Variants in KLF12 observed in about 807,000 individuals in gnomAD.
KLF12 encodes Krueppel-like factor 12.
KLF12 carries 9 observed loss-of-function variants against 37.8 expected under a neutral mutation model. The observed-to-expected ratio is 0.24, with a 90% CI of 0.14 to 0.42. The LOEUF (loss-of-function observed/expected upper bound fraction) is 0.42. KLF12 is among the 10% of genes least tolerant of loss of function. The pLI is 1.00. For synonymous variants in KLF12, 208 were observed against 202.1 expected, an observed-to-expected ratio of 1.03 and a Z score of -0.25; for missense variants, 411 against 516.0, an observed-to-expected ratio of 0.80 and a Z score of 1.97.
At chr13:74,024,939 T>C (rs955469665) in intron 1 of KLF12, among the ~76,000 whole-genome samples, 10 of 152,206 alleles carry the variant, frequency 6.6e-5, no homozygotes, top group Non-Finnish European at 1.2e-4. Context: ...TTCCTAACTA[T>C]GTTAAGTTCT....
intron 1 of KLF12, among the ~76,000 whole-genome samples, chr13:74,043,479 CTG>C (rs149457074): frequency 6.6e-6 from 1 of 151,728 alleles, no homozygotes; most frequent in Non-Finnish European, 1.5e-5. Flanking sequence ...GTGCATGTTT[CTG>C]TGTGTGTGTG....
chr13:73,974,777 A>G (rs543259434), intron 2 of KLF12, among the ~76,000 whole-genome samples: 15 of 152,350 alleles, frequency 9.8e-5, no homozygotes, highest in African/African-American at 3.6e-4. Context: ...AAATTATTTG[A>G]CAATGAAACC....
At chr13:73,938,235 C>A (rs1566471492) in intron 3 of KLF12, among the ~76,000 whole-genome samples, 1 of 152,096 alleles carries the variant, frequency 6.6e-6, no homozygotes, top group Non-Finnish European at 1.5e-5. Context: ...CCTTTACGCA[C>A]AGATGTACAC....
At position 73,846,182 on chromosome 13, in the gene KLF12, T is replaced by C. The variant is rs141944918; in HGVS notation, c.315A>G (p.Ala105=). 36 of 1,614,132 alleles carry C rather than the reference T, an allele frequency of 2.2e-5. No individual in the cohort carries two copies. The African/African-American group carries it at 4.0e-4, about 18-fold the overall frequency. ...AAGTTGAAGAAGGTGAGGAGGCAGA[T>C]GCTGTCATGGAAACTGGGGAGGATG... The change falls in exon 4 of 8, where the codon GCA becomes GCG. Residue 105 remains alanine, a synonymous_variant. Transcript: ENST00000377669.
At chr13:74,114,973 T>C (rs938831910) in intron 1 of KLF12, among the ~76,000 whole-genome samples, 9 of 152,156 alleles carry the variant, frequency 5.9e-5, no homozygotes, top group African/African-American at 1.4e-4. Context: ...AGGTTGCATG[T>C]TCCTTATGAG....
intron 1 of KLF12, among the ~76,000 whole-genome samples, chr13:74,040,225 AT>A (rs1893364542): frequency 1.3e-5 from 2 of 152,194 alleles, no homozygotes; most frequent in African/African-American, 4.8e-5. Flanking sequence ...CTTCATTTAT[AT>A]TTTTTTAGTC....
At chr13:74,143,269 T>G in the KLF12 span, among the ~76,000 whole-genome samples, 1 of 152,136 alleles carries the variant, frequency 6.6e-6, no homozygotes, top group Non-Finnish European at 1.5e-5. Flanking sequence ...GCATGAAGAC[T>G]TTGGTTTCCT....
At chr13:74,151,531 T>A in the KLF12 span, among the ~76,000 whole-genome samples, 3 of 152,038 alleles carry the variant, frequency 2.0e-5, no homozygotes, top group African/African-American at 7.2e-5. Context: ...TGCACACCTG[T>A]AGTTCCAGTA....
the KLF12 span, among the ~76,000 whole-genome samples, chr13:74,197,047 C>T: frequency 6.6e-6 from 1 of 152,016 alleles, no homozygotes; most frequent in African/African-American, 2.4e-5. Context: ...ATTTCAGATA[C>T]TGAGATGAAT....
At chr13:74,272,157 T>C in the KLF12 span, among the ~76,000 whole-genome samples, 1 of 152,224 alleles carries the variant, frequency 6.6e-6, no homozygotes, top group Non-Finnish European at 1.5e-5. Context: ...GTGCTACTTA[T>C]AATTACTCTT....
the KLF12 span, among the ~76,000 whole-genome samples, chr13:74,159,845 C>A: frequency 6.6e-6 from 1 of 151,858 alleles, no homozygotes; most frequent in African/African-American, 2.4e-5. Context: ...ATGGCGAAAC[C>A]CTGTCTCTAC....
At chr13:74,270,145 A>G in the KLF12 span, among the ~76,000 whole-genome samples, 1 of 152,268 alleles carries the variant, frequency 6.6e-6, no homozygotes, top group Non-Finnish European at 1.5e-5. Flanking sequence ...AACCCTTGGA[A>G]TTCTCTGAGT....
chr13:73,945,147 T>C (rs1468259098), intron 2 of KLF12, among the ~76,000 whole-genome samples: 1 of 152,168 alleles, frequency 6.6e-6, no homozygotes, highest in Admixed American at 6.5e-5. Context: ...TTTAATATGG[T>C]TGCTTTCCTA....
intron 5 of KLF12, among the ~76,000 whole-genome samples, chr13:73,789,390 G>T (rs1419517727): frequency 6.6e-6 from 1 of 152,068 alleles, no homozygotes; most frequent in East Asian, 1.9e-4. Flanking sequence ...TCACAGTAGC[G>T]CTAGTCAGAG....
intron 2 of KLF12, among the ~76,000 whole-genome samples, chr13:73,994,470 C>A (rs1361455346): frequency 4.9e-5 from 4 of 81,788 alleles, no homozygotes; most frequent in South Asian, 1.0e-3. Flanking sequence ...ACAGCGCCCC[C>A]CCCACCACCA....
the KLF12 span, among the ~76,000 whole-genome samples, chr13:74,200,194 G>T: frequency 1.4e-4 from 22 of 151,810 alleles, no homozygotes; most frequent in African/African-American, 4.1e-4. Flanking sequence ...TTGCTCAGGG[G>T]GGGGGTTTCC....
intron 3 of KLF12, among the ~76,000 whole-genome samples, chr13:73,915,713 T>A (rs1380604339): frequency 8.8e-6 from 1 of 113,372 alleles, no homozygotes; most frequent in Non-Finnish European, 1.9e-5. Flanking sequence ...TTTTTTTTTT[T>A]AGTAGAGACT....
At chr13:73,700,388 T>A (rs1874464094) in intron 7 of KLF12, among the ~76,000 whole-genome samples, 1 of 151,888 alleles carries the variant, frequency 6.6e-6, no homozygotes, top group Non-Finnish European at 1.5e-5. Context: ...AAACCTTTCC[T>A]ATGTGGGGGA....
the KLF12 span, among the ~76,000 whole-genome samples, chr13:74,146,397 AC>A: frequency 5.4e-4 from 83 of 152,318 alleles, no homozygotes; most frequent in African/African-American, 1.9e-3. Context: ...TGATTTTATT[AC>A]TATTATTATC....
Sources: gnomAD v4.1 joint callset for allele counts (sites outside exome capture counted in the v4.1 genomes callset) on GRCh38, gnomAD v4.1.1 for gene constraint, MANE v1.5 for transcripts, NCBI Gene and HGNC (gene_info 2026-07-23, HGNC 2026-07-21) for gene names.